FRMD5: variants seen among roughly 807,000 people sequenced by gnomAD.
FRMD5 encodes FERM domain-containing protein 5.
FRMD5 carries 20 observed loss-of-function variants against 69.0 expected under a neutral mutation model. The observed-to-expected ratio is 0.29, with a 90% CI of 0.20 to 0.42. The LOEUF (loss-of-function observed/expected upper bound fraction) is 0.42. FRMD5 is among the 10% of genes least tolerant of loss of function. The probability of loss-of-function intolerance (pLI) is 1.00; values close to 1 mark genes in which losing one functional copy is unlikely to be tolerated. For missense variants in FRMD5, 595 were observed against 708.6 expected (o/e 0.84, Z 1.82); for synonymous variants, 271 against 260.1 (o/e 1.04, Z -0.40).
intron 2 of FRMD5, among the ~76,000 whole-genome samples, chr15:43,921,237 T>C (rs2089488636): frequency 6.6e-6 from 1 of 152,170 alleles, no homozygotes; most frequent in African/African-American, 2.4e-5. Context: ...ACTGGAATTG[T>C]GGACAGTGAG....
intron 4 of FRMD5, among the ~76,000 whole-genome samples, chr15:43,913,033 C>CA (rs1242970072): frequency 0.17 from 15,028 of 86,820 alleles, 1,299 homozygotes; most frequent in African/African-American, 0.3. Context: ...AACTCCATCT[C>CA]AAAAAAAAAA....
intron 1 of FRMD5, among the ~76,000 whole-genome samples, chr15:43,972,232 T>C (rs568691395): frequency 1.3e-5 from 2 of 151,946 alleles, no homozygotes; most frequent in East Asian, 1.9e-4. Flanking sequence ...ACCAACTCCA[T>C]CTCTCTCTTA....
Position 44,013,589 on chromosome 15 carries a change from A to C in FRMD5, c.103-89280T>G, listed in dbSNP as rs539013104. On this transcript the variant is annotated intron_variant, in intron 1 of 13. Coordinates refer to ENST00000417257, the MANE Select transcript of FRMD5 (RefSeq NM_032892.5). ...GCCTATACTATTCTGAAAGTAATAC[A>C]AACTATTAATATAAAAATGTTTCCT... 3.9e-5 allele frequency among the ~76,000 whole-genome samples: 6 copies of C among 152,346 alleles called. No homozygotes were observed. In the South Asian group the frequency reaches 1.0e-3, roughly 26 times the overall value.
intron 1 of FRMD5, among the ~76,000 whole-genome samples, chr15:44,096,009 C>A (rs2076546592): frequency 6.6e-6 from 1 of 151,946 alleles, no homozygotes; most frequent in African/African-American, 2.4e-5. Flanking sequence ...GAGATTGAGA[C>A]CAGCTTGACC....
intron 6 of FRMD5, among the ~76,000 whole-genome samples, chr15:43,902,495 A>G (rs528242752): frequency 6.6e-6 from 1 of 152,166 alleles, no homozygotes; most frequent in African/African-American, 2.4e-5. Context: ...CTGAGTGTAA[A>G]CAATGGGGAG....
intron 1 of FRMD5, among the ~76,000 whole-genome samples, chr15:43,997,395 T>C (rs567412071): frequency 1.3e-5 from 2 of 152,262 alleles, no homozygotes; most frequent in East Asian, 1.9e-4. Flanking sequence ...CAAAAACGGA[T>C]CAAGCTCAAA....
rs1323250021 is a variant in FRMD5 at position 44,074,282 on chromosome 15, C to CT, written c.102+120670dup. 5.3e-5 allele frequency among the ~76,000 whole-genome samples: 8 copies of CT among 152,122 alleles called. No homozygotes were observed. In the East Asian group the frequency reaches 1.3e-3, roughly 26 times the overall value. ...AAAAGCTTATTTGTTACACAAATAT[C>CT]TTTTTTTTCTTTTTTCTGAGCTGCA... On this transcript the variant is annotated intron_variant, in intron 1 of 13. Transcript: ENST00000417257.
intron 1 of FRMD5, among the ~76,000 whole-genome samples, chr15:44,048,492 C>T (rs1892523303): frequency 6.6e-6 from 1 of 152,096 alleles, no homozygotes. Flanking sequence ...CAAATATTTT[C>T]TCCCATTTTG....
chr15:44,037,114 C>T (rs1216285496), intron 1 of FRMD5, among the ~76,000 whole-genome samples: 1 of 152,046 alleles, frequency 6.6e-6, no homozygotes, highest in Non-Finnish European at 1.5e-5. Flanking sequence ...TTAGGTATTT[C>T]TCCTAATGCT....
intron 7 of FRMD5, among the ~76,000 whole-genome samples, chr15:43,894,316 A>T (rs148876816): frequency 1.3e-5 from 2 of 151,884 alleles, no homozygotes; most frequent in East Asian, 3.9e-4. Context: ...TGCAAGCAGG[A>T]CCCGGGGAAG....
At chr15:43,935,162 G>A (rs1336434379) in intron 1 of FRMD5, among the ~76,000 whole-genome samples, 1 of 152,180 alleles carries the variant, frequency 6.6e-6, no homozygotes, top group East Asian at 1.9e-4. Context: ...TGGCTGAGCA[G>A]CAACAGATGT....
At chr15:44,134,125 GT>G (rs1054909053) in intron 1 of FRMD5, among the ~76,000 whole-genome samples, 47 of 146,866 alleles carry the variant, frequency 3.2e-4, no homozygotes, top group South Asian at 4.3e-4. Context: ...CAAATACTTT[GT>G]TTTTTTTTTT....
intron 1 of FRMD5, among the ~76,000 whole-genome samples, chr15:44,106,529 T>A (rs1281876882): frequency 3.3e-5 from 5 of 152,142 alleles, no homozygotes; most frequent in African/African-American, 4.8e-5. Flanking sequence ...TTCACCTGCC[T>A]CATTCTGATT....
chr15:44,151,883 A>AAAAC (rs550648326), intron 1 of FRMD5, among the ~76,000 whole-genome samples: 2 of 152,212 alleles, frequency 1.3e-5, no homozygotes, highest in South Asian at 2.1e-4. Context: ...GTAAACTCCT[A>AAAAC]AAACAAACAA....
chr15:43,897,404 T>TGCC (rs2088936807), intron 7 of FRMD5, among the ~76,000 whole-genome samples: 1 of 148,870 alleles, frequency 6.7e-6, no homozygotes, highest in Non-Finnish European at 1.5e-5. Context: ...GAAGAATCAC[T>TGCC]TGAACCCGGG....
chr15:43,988,062 A>G (rs1055053808), intron 1 of FRMD5, among the ~76,000 whole-genome samples: 15 of 152,246 alleles, frequency 9.9e-5, no homozygotes, highest in African/African-American at 3.4e-4. Context: ...TCATGCTCCT[A>G]TGAGAATCTA....
intron 1 of FRMD5, among the ~76,000 whole-genome samples, chr15:43,960,619 G>C (rs2090183595): frequency 6.7e-6 from 1 of 148,302 alleles, no homozygotes; most frequent in African/African-American, 2.5e-5. Flanking sequence ...CCCGACCTCA[G>C]GTGATCCGCC....
At chr15:44,198,534 T>C (rs2078324568), upstream of FRMD5, among the ~76,000 whole-genome samples, 2 of 151,918 alleles carry the variant, frequency 1.3e-5, no homozygotes, top group South Asian at 2.1e-4. Context: ...GATGTATGTC[T>C]CCACAAAAAA....
chr15:44,146,747 T>C (rs1437226143), intron 1 of FRMD5, among the ~76,000 whole-genome samples: 1 of 152,190 alleles, frequency 6.6e-6, no homozygotes, highest in Non-Finnish European at 1.5e-5. Context: ...TAATGATCAG[T>C]GATGTTGAGC....
Sources: allele counts gnomAD v4.1 joint callset (sites outside exome capture counted in the v4.1 genomes callset), GRCh38; gene constraint gnomAD v4.1.1; transcripts MANE v1.5; gene names NCBI Gene and HGNC (gene_info 2026-07-23, HGNC 2026-07-21).